TUT7: variants seen among roughly 807,000 people sequenced by gnomAD.
TUT7 encodes the protein terminal uridylyltransferase 7.
Under a neutral mutation model 165.9 loss-of-function variants are expected in TUT7, and 33 were observed. The ratio of observed to expected loss-of-function variants is 0.20; its 90% CI spans 0.15 to 0.27. The LOEUF (loss-of-function observed/expected upper bound fraction) is 0.27, where lower values mean the gene tolerates loss of function less well. Ranked by LOEUF, TUT7 falls within the 10% of genes least tolerant of loss-of-function variation. The pLI is 1.00. For synonymous variants in TUT7, 552 were observed against 608.1 expected (o/e 0.91, Z 1.36); for missense variants, 1,338 against 1,762.3 (o/e 0.76, Z 4.31).
intron 4 of TUT7, 70 bp from the exon 5 acceptor site, chr9:86,345,224 C>T: frequency 1.4e-6 from 2 of 1,445,786 alleles, no homozygotes; most frequent in Non-Finnish European, 1.9e-6. Flanking sequence ...CTCATGAAGA[C>T]AACACCCTAT....
chr9:86,340,896 T>C (rs1402434079), intron 7 of TUT7, 106 bp downstream of exon 7: 3 of 833,696 alleles, frequency 3.6e-6, no homozygotes, highest in East Asian at 2.5e-5. Flanking sequence ...ATTACCCACA[T>C]AAATAATTTT....
In TUT7 at chr9:86,297,921, C is replaced by CTTTTTTTTTTTTTTT. The variant is rs59651352; in HGVS notation, c.4420+3354_4420+3355insAAAAAAAAAAAAAAA. On this transcript the variant is annotated intron_variant, in intron 26 of 26. Coordinates refer to ENST00000375963, the MANE Select transcript of TUT7 (RefSeq NM_024617.4). ...CTCACTCACCCTTCTGCCTGCTCCACTTTTTTTTTTTTTTCAAATTTCTTC... is the reference window on the plus strand; with the variant it reads ...CTCACTCACCCTTCTGCCTGCTCCACTTTTTTTTTTTTTTTTTTTTTTTTTTTTTCAAATTTCTTC... Among the ~76,000 whole-genome samples, 150 of 86,460 alleles carry CTTTTTTTTTTTTTTT rather than the reference C, an allele frequency of 1.7e-3. 13 individuals carry two copies. The highest frequency in any genetic ancestry group is 2.2e-3 in the Non-Finnish European group (110 of 49,408). The allele number at this position is 86,460 out of a possible 152,430, so 56.7% of individuals were successfully genotyped here.
chr9:86,342,937 G>A (rs1191976844), intron 6 of TUT7, 138 bp downstream of exon 6: 5 of 581,658 alleles, frequency 8.6e-6, no homozygotes, highest in Non-Finnish European at 1.5e-5. Context: ...AAAAAGCTCT[G>A]AAACTGAAGG....
chr9:86,297,723 C>T (rs1826460631), intron 26 of TUT7, among the ~76,000 whole-genome samples: 2 of 151,936 alleles, frequency 1.3e-5, no homozygotes, highest in South Asian at 4.2e-4. Flanking sequence ...CACACAGGAG[C>T]CATAATGAAC....
chr9:86,305,431 G>A (rs1384904965), intron 22 of TUT7, among the ~76,000 whole-genome samples, 192 bp from the exon 23 acceptor site: 1 of 152,156 alleles, frequency 6.6e-6, no homozygotes, highest in Non-Finnish European at 1.5e-5. Context: ...GAGCTTAGAA[G>A]TTATAATAAA....
chr9:86,349,475 C>T (rs1588023616), intron 2 of TUT7, among the ~76,000 whole-genome samples: 1 of 151,604 alleles, frequency 6.6e-6, no homozygotes, highest in Non-Finnish European at 1.5e-5. Context: ...GGCAATGTCC[C>T]AAATACATTA....
chr9:86,301,141 T>G (rs1339510826), intron 26 of TUT7, 135 bp downstream of exon 26: 1 of 841,092 alleles, frequency 1.2e-6, no homozygotes, highest in East Asian at 2.7e-5. Flanking sequence ...GGATTTTACT[T>G]TCTTAAAAAC....
rs757350270 is a variant in TUT7 at position 86,323,589 on chromosome 9, G to A, written c.2161C>T (p.Pro721Ser). 16 of 1,614,124 alleles carry A rather than the reference G, an allele frequency of 9.9e-6. No homozygotes were observed. Among genetic ancestry groups the A allele is most frequent in the Non-Finnish European group, 1.3e-5 (15 of 1,180,034 alleles). The change falls in exon 13 of 27, where the codon CCT becomes TCT. Residue 721 changes from proline to serine, a missense_variant. Coordinates refer to ENST00000375963, the MANE Select transcript of TUT7 (RefSeq NM_024617.4). ...EMGNEHISVH[P>S]ENSDCIQADV... Reference sequence around the variant, plus strand: ...GCTTGGATACAGTCTGAGTTTTCAGGGTGGACACTGATGTGTTCATTTCCC... The same window carrying A: ...GCTTGGATACAGTCTGAGTTTTCAGAGTGGACACTGATGTGTTCATTTCCC...
chr9:86,323,567 T>G lies in TUT7; in HGVS notation c.2183A>C (p.Gln728Pro), dbSNP rs1488786660. The G allele has an allele frequency of 1.2e-6, 2 of 1,614,124 alleles. No individual in the cohort carries two copies. The highest frequency in any genetic ancestry group is 1.7e-6 in the Non-Finnish European group (2 of 1,180,042). The change falls in exon 13 of 27, where the codon CAA (glutamine) becomes CCA (proline). Residue 728 changes from glutamine (Q) to proline (P), a missense_variant. By Grantham distance (76) the Gln-to-Pro change is moderately conservative. Around this residue, in one of 7 missense-constraint regions of TUT7, gnomAD observed 425 missense variants for 474.9 expected, o/e 0.89. Coordinates refer to ENST00000375963, the MANE Select transcript of TUT7 (RefSeq NM_024617.4). ...SVHPENSDCI[Q>P]ADVNSDDYKG... is the part of the protein sequence containing the mutation. ...GTAATCATCAGAGTTAACATCTGCT[T>G]GGATACAGTCTGAGTTTTCAGGGTG...
intron 2 of TUT7, among the ~76,000 whole-genome samples, chr9:86,347,721 A>G (rs754777803): frequency 7.9e-5 from 12 of 152,244 alleles, no homozygotes; most frequent in Non-Finnish European, 1.8e-4. Context: ...TAAAAAATCA[A>G]TCAAAATACA....
intron 26 of TUT7, 136 bp from the exon 27 acceptor site, chr9:86,288,880 A>G: frequency 1.6e-6 from 1 of 607,194 alleles, no homozygotes; most frequent in Non-Finnish European, 2.9e-6. Flanking sequence ...GAATCAAGTA[A>G]TAAGACTTGA....
chr9:86,288,883 A>T, intron 26 of TUT7, 139 bp from the exon 27 acceptor site: 2 of 608,358 alleles, frequency 3.3e-6, no homozygotes, highest in Non-Finnish European at 5.8e-6. Context: ...TCAAGTAATA[A>T]GACTTGATAT....
chr9:86,324,089 T>C (rs568294090), intron 12 of TUT7, 129 bp from the exon 13 acceptor site: 2 of 915,518 alleles, frequency 2.2e-6, no homozygotes, highest in African/African-American at 1.7e-5. Flanking sequence ...TTGCATTTTA[T>C]AGACTTAAAA....
At chr9:86,350,367 T>C (rs969657723) in intron 2 of TUT7, among the ~76,000 whole-genome samples, 1 of 152,182 alleles carries the variant, frequency 6.6e-6, no homozygotes, top group Admixed American at 6.5e-5. Context: ...GAAATGGTTT[T>C]CAAGATCAAC....
intron 2 of TUT7, among the ~76,000 whole-genome samples, 172 bp from the exon 3 acceptor site, chr9:86,346,652 A>C (rs1352619913): frequency 6.6e-6 from 1 of 152,244 alleles, no homozygotes; most frequent in Non-Finnish European, 1.5e-5. Flanking sequence ...GTATTCAGTG[A>C]GCACATCACC....
At chr9:86,306,818 C>T (rs934038931) in intron 22 of TUT7, among the ~76,000 whole-genome samples, 11 of 151,878 alleles carry the variant, frequency 7.2e-5, no homozygotes, top group South Asian at 6.2e-4. Context: ...CAAAAACAAA[C>T]GACTACTATC....
chr9:86,318,961 A>G lies in TUT7; in HGVS notation c.3213T>C (p.Ala1071=), dbSNP rs1828987741. ...VCMTINGLET[A]EGLDCVRTIE... Reference sequence around the variant, plus strand: ...AAGTTTTATGTGGTCACTGTACCTCAGCAGTTTCAAGTCCATTAATTGTCA... The same window carrying G: ...AAGTTTTATGTGGTCACTGTACCTCGGCAGTTTCAAGTCCATTAATTGTCA... Residue 1071 remains alanine (A), a synonymous_variant, in exon 16 of 27, where the codon GCT becomes GCC. Transcript: ENST00000375963. The G allele has an allele frequency of 6.2e-7, 1 of 1,612,046 alleles. No homozygotes were observed. Among genetic ancestry groups the G allele is most frequent in the African/African-American group, 1.3e-5 (1 of 74,836 alleles).
chr9:86,336,495 C>T (rs1045692996), intron 10 of TUT7, among the ~76,000 whole-genome samples: 2 of 152,126 alleles, frequency 1.3e-5, no homozygotes, highest in African/African-American at 4.8e-5. Flanking sequence ...GTCTTTATTC[C>T]CACGGCCTGG....
At chr9:86,297,947 T>G (rs1418297288) in intron 26 of TUT7, among the ~76,000 whole-genome samples, 2 of 114,096 alleles carry the variant, frequency 1.8e-5, no homozygotes, top group East Asian at 7.3e-4. Context: ...AAATTTCTTC[T>G]GTCTCTCGAG....
Sources: allele counts gnomAD v4.1 joint callset (sites outside exome capture counted in the v4.1 genomes callset), GRCh38; gene constraint gnomAD v4.1.1; regional missense constraint gnomAD v4.1.1; transcripts MANE v1.5; gene names NCBI Gene and HGNC (gene_info 2026-07-23, HGNC 2026-07-21).